The following DGLUCY variants were observed in gnomAD, a reference collection of about 807,000 sequenced individuals.
DGLUCY encodes the protein D-glutamate cyclase, mitochondrial.
Under a neutral mutation model 58.5 loss-of-function variants are expected in DGLUCY, and 58 were observed. The ratio of observed to expected loss-of-function variants is 0.99; its 90% confidence interval spans 0.80 to 1.23. The LOEUF (loss-of-function observed/expected upper bound fraction) is 1.23. DGLUCY is among the 50% of genes most tolerant of loss of function. The probability of loss-of-function intolerance (pLI) is 0.00; values close to 1 mark genes in which losing one functional copy is unlikely to be tolerated. For missense variants in DGLUCY, 779 were observed against 784.7 expected (o/e 0.99, Z 0.09); for synonymous variants, 325 against 314.1 (o/e 1.03, Z -0.37).
chr14:91,163,222 T>C (rs1350400881), intron 3 of DGLUCY, among the ~76,000 whole-genome samples: 5 of 151,818 alleles, frequency 3.3e-5, no homozygotes, highest in African/African-American at 1.2e-4. Context: ...ATTGCGCCAC[T>C]GCACTCCAGC....
intron 1 of DGLUCY, among the ~76,000 whole-genome samples, chr14:91,080,461 C>G (rs2044104946): frequency 6.6e-6 from 1 of 152,192 alleles, no homozygotes; most frequent in Admixed American, 6.5e-5. Context: ...ACTTCCACCT[C>G]CCAGGTTCAA....
At chr14:91,113,968 C>G (rs746622873), upstream of DGLUCY, 1 of 152,282 alleles carries the variant, frequency 6.6e-6, no homozygotes, top group Non-Finnish European at 1.5e-5. Flanking sequence ...GCAGGGAGAA[C>G]TGGGCTTGCA....
rs2044771711 is a variant in DGLUCY at position 91,114,251 on chromosome 14, T to A, written c.-114T>A. 6.6e-6 allele frequency: 1 copy of A among 152,292 alleles called. No individual in the cohort carries two copies. Among genetic ancestry groups the A allele is most frequent in the Non-Finnish European group, 1.5e-5 (1 of 68,158 alleles). 9.4% of individuals were successfully genotyped at this position (152,292 alleles called of 1,614,324 possible). On this transcript the variant is annotated 5_prime_UTR_variant, in exon 1 of 14. In the 5' UTR this introduces an upstream ATG that the reference lacks. Coordinates refer to ENST00000256324, the MANE Select transcript of DGLUCY (RefSeq NM_001102368.3). ...CCGTGGAAACAAAGGGAGGAACTGT[T>A]TGTAGCCCTCGTCCAGACGCCCCAA...
chr14:91,103,841 C>A (rs1244748235), upstream of DGLUCY, among the ~76,000 whole-genome samples: 7 of 151,834 alleles, frequency 4.6e-5, no homozygotes, highest in African/African-American at 1.7e-4. Flanking sequence ...TATATACACA[C>A]ACATACATGA....
intron 8 of DGLUCY, among the ~76,000 whole-genome samples, chr14:91,187,424 G>A (rs979085910): frequency 3.3e-5 from 5 of 152,260 alleles, no homozygotes; most frequent in Admixed American, 1.3e-4. Context: ...CACTGCCTTC[G>A]CGTGCACTGT....
At chr14:91,121,578 GC>G (rs2045360962) in intron 1 of DGLUCY, among the ~76,000 whole-genome samples, 1 of 150,124 alleles carries the variant, frequency 6.7e-6, no homozygotes, top group Non-Finnish European at 1.5e-5. Flanking sequence ...CTGCACTCCA[GC>G]CTGGGTGACA....
chr14:91,146,280 T>A (rs1191598381), intron 1 of DGLUCY, among the ~76,000 whole-genome samples: 1 of 152,220 alleles, frequency 6.6e-6, no homozygotes, highest in Non-Finnish European at 1.5e-5. Context: ...TCTGTCTGAC[T>A]ACCATGGATG....
intron 1 of DGLUCY, among the ~76,000 whole-genome samples, chr14:91,075,794 T>G (rs1159204062): frequency 6.6e-6 from 1 of 152,202 alleles, no homozygotes; most frequent in African/African-American, 2.4e-5. Context: ...ACCCTTTCTG[T>G]GTGCCAGTGC....
At chr14:91,174,225 C>T (rs780177325) in intron 6 of DGLUCY, among the ~76,000 whole-genome samples, 1 of 151,864 alleles carries the variant, frequency 6.6e-6, no homozygotes, top group African/African-American at 2.4e-5. Flanking sequence ...ATGGAAGCTC[C>T]GCACCCCTTC....
chr14:91,209,572 G>A (rs147378532), intron 12 of DGLUCY, among the ~76,000 whole-genome samples: 4,416 of 152,216 alleles, frequency 0.029, 110 homozygotes, highest in Non-Finnish European at 0.042. Flanking sequence ...GCTGGGCGTG[G>A]TGGCGGGCAC....
At chr14:91,166,400 C>T (rs540490580) in intron 3 of DGLUCY, among the ~76,000 whole-genome samples, 3 of 152,294 alleles carry the variant, frequency 2.0e-5, no homozygotes, top group African/African-American at 7.2e-5. Context: ...TGCGGTGGCT[C>T]ACGCCTGTAA....
chr14:91,135,729 T>C (rs548718101), intron 1 of DGLUCY, among the ~76,000 whole-genome samples: 3 of 151,612 alleles, frequency 2.0e-5, no homozygotes, highest in Non-Finnish European at 4.4e-5. Flanking sequence ...AGATGTTCTT[T>C]ATCAACTTCT....
chr14:91,185,271 ATTTTTTTTTTT>A (rs35639010), intron 8 of DGLUCY, among the ~76,000 whole-genome samples: 783 of 38,404 alleles, frequency 0.02, 18 homozygotes, highest in African/African-American at 0.069. Flanking sequence ...GCCCAGCCGG[ATTTTTTTTTTT>A]TTTTTTTTTT....
intron 1 of DGLUCY, among the ~76,000 whole-genome samples, chr14:91,135,653 TAAAAAAAAAA>T (rs60532081): frequency 1.0e-5 from 1 of 100,316 alleles, no homozygotes; most frequent in Admixed American, 1.3e-4. Context: ...TCTGCCTCAT[TAAAAAAAAAA>T]AAAAAAAAAA....
intron 1 of DGLUCY, among the ~76,000 whole-genome samples, chr14:91,131,381 T>C (rs2046014790): frequency 8.7e-4 from 2 of 2,298 alleles, no homozygotes; most frequent in South Asian, 0.05. Context: ...ACTTGAGATA[T>C]TCTCTTTTTT....
intron 12 of DGLUCY, among the ~76,000 whole-genome samples, chr14:91,210,249 T>C (rs1885455402): frequency 6.6e-6 from 1 of 152,112 alleles, no homozygotes; most frequent in African/African-American, 2.4e-5. Context: ...GGGGGGAGCA[T>C]AACTGATAAA....
At chr14:91,111,122 C>G (rs1205653273), upstream of DGLUCY, among the ~76,000 whole-genome samples, 1 of 151,366 alleles carries the variant, frequency 6.6e-6, no homozygotes, top group Non-Finnish European at 1.5e-5. Flanking sequence ...TCTCACTGTT[C>G]CGGAGATTGG....
chr14:91,208,494 A>G (rs1885131257), intron 12 of DGLUCY, among the ~76,000 whole-genome samples: 1 of 152,202 alleles, frequency 6.6e-6, no homozygotes, highest in Non-Finnish European at 1.5e-5. Context: ...CACGCCTGTA[A>G]TCGTAGCACT....
chr14:91,071,510 A>C (rs2140028951), intron 1 of DGLUCY, among the ~76,000 whole-genome samples: 1 of 152,294 alleles, frequency 6.6e-6, no homozygotes, highest in South Asian at 2.1e-4. Context: ...AAAAATACTG[A>C]AGATGAGTTT....
Sources: gnomAD v4.1 joint callset for allele counts (sites outside exome capture counted in the v4.1 genomes callset) on GRCh38, gnomAD v4.1.1 for gene constraint, MANE v1.5 for transcripts, NCBI Gene and HGNC (gene_info 2026-07-23, HGNC 2026-07-21) for gene names.